THSD7B: variants seen among roughly 807,000 people sequenced by gnomAD.
The protein encoded by THSD7B is thrombospondin type-1 domain-containing protein 7B.
A neutral mutation model predicts 213.6 loss-of-function variants in THSD7B; 138 were observed. That is an observed-to-expected ratio of 0.65 (90% CI 0.56 to 0.74). The LOEUF (loss-of-function observed/expected upper bound fraction) is 0.74, where lower values mean the gene tolerates loss of function less well. Ranked by LOEUF, THSD7B falls within the 30% of genes least tolerant of loss-of-function variation. The probability of loss-of-function intolerance (pLI) is 0.00; values close to 1 mark genes in which losing one functional copy is unlikely to be tolerated. For missense variants in THSD7B, 1,931 were observed against 1,991.5 expected, an observed-to-expected ratio of 0.97 and a Z score of 0.58; for synonymous variants, 742 against 687.0, an observed-to-expected ratio of 1.08 and a Z score of -1.25.
At chr2:136,802,900 C>T (rs1682214623) in intron 1 of THSD7B, among the ~76,000 whole-genome samples, 1 of 151,600 alleles carries the variant, frequency 6.6e-6, no homozygotes, top group African/African-American at 2.4e-5. Context: ...ATTATCACCT[C>T]ATGATGGGTA....
intron 2 of THSD7B, among the ~76,000 whole-genome samples, chr2:136,914,944 A>G (rs1223215677): frequency 6.6e-6 from 1 of 152,226 alleles, no homozygotes; most frequent in Non-Finnish European, 1.5e-5. Flanking sequence ...ATTGAAAACA[A>G]TAAAGAGATA....
rs142602179 is a variant in THSD7B at position 137,126,474 on chromosome 2, C to T, written c.1369+11181C>T. Among the ~76,000 whole-genome samples the T allele has an allele frequency of 3.2e-3, 473 of 147,708 alleles. 2 individuals are homozygous for T. Among genetic ancestry groups the T allele is most frequent in the African/African-American group, 0.011 (433 of 39,984 alleles). On this transcript the variant is annotated intron_variant, in intron 5 of 27. Coordinates refer to ENST00000409968, the MANE Select transcript of THSD7B (RefSeq NM_001316349.2). The stretch of plus-strand genomic sequence containing the variant: ...CCCCCACCCCCCTGCCCCACAGCTT[C>T]CTCAGCTCTCTCAGCCTTCATAGAA...
intron 17 of THSD7B, among the ~76,000 whole-genome samples, chr2:137,588,332 C>T (rs551574065): frequency 3.0e-4 from 46 of 152,226 alleles, no homozygotes; most frequent in Admixed American, 9.2e-4. Flanking sequence ...GTGGGCTGCA[C>T]CCACCGTCCT....
rs56349408 is a variant in THSD7B at position 136,827,770 on chromosome 2, TGAGAGAGAGAGAGA to T, written c.-35-54363_-35-54350del. ...AGATATTTAGAGAGTTACACTGAAA[TGAGAGAGAGAGAGA>T]GAGAGAGAGATTGAGAGAGACACAG... is the stretch of plus-strand genomic sequence containing the variant. On this transcript the variant is annotated intron_variant, in intron 1 of 27. Coordinates refer to ENST00000409968, the MANE Select transcript of THSD7B (RefSeq NM_001316349.2). Among the ~76,000 whole-genome samples, 7 of 146,436 alleles carry T rather than the reference TGAGAGAGAGAGAGA, an allele frequency of 4.8e-5. No individual in the cohort carries two copies. The East Asian group carries it at 1.4e-3, about 29-fold the overall frequency.
chr2:137,186,867 T>C (rs1184567039), intron 7 of THSD7B, among the ~76,000 whole-genome samples: 1 of 152,198 alleles, frequency 6.6e-6, no homozygotes, highest in Non-Finnish European at 1.5e-5. Flanking sequence ...TTTGTTTCTG[T>C]CATATCTGAT....
chr2:136,765,598 C>A lies in THSD7B; in HGVS notation c.-125C>A. 6.6e-6 allele frequency: 1 copy of A among 150,496 alleles called. No individual in the cohort carries two copies. The highest frequency in any genetic ancestry group is 2.1e-4 in the South Asian group (1 of 4,736). 9.3% of individuals were successfully genotyped at this position (150,496 alleles called of 1,614,324 possible). On this transcript the variant is annotated 5_prime_UTR_variant, in exon 1 of 28. Transcript: ENST00000409968. ...GTTGCCAGACGCTGGAATGGGTGGT[C>A]TTCCGACACACACCACCATCTTTCT...
At chr2:137,475,283 C>T (rs1688170100) in intron 15 of THSD7B, among the ~76,000 whole-genome samples, 1 of 152,068 alleles carries the variant, frequency 6.6e-6, no homozygotes, top group Non-Finnish European at 1.5e-5. Flanking sequence ...ATAATCAAGG[C>T]GGTATTTAGG....
At chr2:137,170,637 C>A in intron 6 of THSD7B, 104 bp from the exon 7 acceptor site, 2 of 1,040,886 alleles carry the variant, frequency 1.9e-6, no homozygotes, top group Non-Finnish European at 2.8e-6. Flanking sequence ...GTGCTTAGAG[C>A]GATGAGTACT....
At chr2:137,377,124 G>A (rs998680477) in intron 12 of THSD7B, among the ~76,000 whole-genome samples, 79 of 151,972 alleles carry the variant, frequency 5.2e-4, no homozygotes, top group Admixed American at 1.2e-3. Flanking sequence ...CATTTTTTCC[G>A]TATGTGGTGG....
At chr2:136,921,267 A>C (rs1684433844) in intron 2 of THSD7B, among the ~76,000 whole-genome samples, 1 of 149,592 alleles carries the variant, frequency 6.7e-6, no homozygotes, top group African/African-American at 2.5e-5. Context: ...TATTCTGCTT[A>C]TATGTAAGCC....
At chr2:137,487,484 GA>G (rs1688486149) in intron 15 of THSD7B, among the ~76,000 whole-genome samples, 1 of 148,462 alleles carries the variant, frequency 6.7e-6, no homozygotes. Context: ...GAAGGAAATA[GA>G]GACACAAAAA....
chr2:137,319,498 C>G (rs1186863989), intron 12 of THSD7B, among the ~76,000 whole-genome samples: 1 of 152,200 alleles, frequency 6.6e-6, no homozygotes, highest in Non-Finnish European at 1.5e-5. Flanking sequence ...CTGTGTCACA[C>G]TATTTATGTT....
chr2:137,347,877 G>A (rs574391751), intron 12 of THSD7B, among the ~76,000 whole-genome samples: 7 of 151,196 alleles, frequency 4.6e-5, no homozygotes, highest in African/African-American at 1.7e-4. Flanking sequence ...CATCTCTAAA[G>A]CATTAAAATT....
intron 12 of THSD7B, among the ~76,000 whole-genome samples, chr2:137,395,090 A>T (rs371899733): frequency 8.1e-6 from 1 of 124,098 alleles, no homozygotes; most frequent in Non-Finnish European, 1.8e-5. Flanking sequence ...TCTAGATATA[A>T]AATCATGTCA....
rs750858427 is a variant in THSD7B at position 137,039,306 on chromosome 2, T to G, written c.140-17114T>G. Among the ~76,000 whole-genome samples, 12 of 152,200 alleles carry G rather than the reference T, an allele frequency of 7.9e-5. 1 individual carries two copies. Among genetic ancestry groups the G allele is most frequent in the Non-Finnish European group, 1.5e-4 (10 of 68,040 alleles). The stretch of plus-strand genomic sequence containing the variant: ...GTCACCCATTTCCAGGGATTTTTGA[T>G]AGGATTAAACGATATATTAATAGTC... On this transcript the variant is annotated intron_variant, in intron 2 of 27. Coordinates refer to ENST00000409968, the MANE Select transcript of THSD7B (RefSeq NM_001316349.2).
In THSD7B at chr2:137,161,670, G is replaced by A. The variant is rs77710685; in HGVS notation, c.1525+1302G>A. On this transcript the variant is annotated intron_variant, in intron 6 of 27. Transcript: ENST00000409968. ...AATCTGGATGTCAAAGAAGCCTGGA[G>A]AGGGCCTTGGGCAATTCTCTTATTT... is the stretch of plus-strand genomic sequence containing the variant. Among the ~76,000 whole-genome samples, 198 of 152,248 alleles carry A rather than the reference G, an allele frequency of 1.3e-3. 5 individuals carry two copies. The East Asian group carries it at 0.036, about 28-fold the overall frequency.
intron 15 of THSD7B, among the ~76,000 whole-genome samples, chr2:137,499,557 CTTGA>C: frequency 6.6e-6 from 1 of 152,188 alleles, no homozygotes; most frequent in African/African-American, 2.4e-5. Context: ...CTTTTGATCT[CTTGA>C]CATCTATGGC....
chr2:137,185,392 C>T (rs1680532276), intron 7 of THSD7B, among the ~76,000 whole-genome samples: 1 of 152,068 alleles, frequency 6.6e-6, no homozygotes, highest in Admixed American at 6.6e-5. Context: ...GTTTTTCATC[C>T]ATCCCTTGCC....
intron 17 of THSD7B, among the ~76,000 whole-genome samples, chr2:137,589,605 C>T (rs994704194): frequency 2.6e-5 from 4 of 152,136 alleles, no homozygotes; most frequent in African/African-American, 9.6e-5. Context: ...TTTTGTTTTT[C>T]ATGTTTCTAT....
Sources: gnomAD v4.1 joint callset for allele counts (sites outside exome capture counted in the v4.1 genomes callset) on GRCh38, gnomAD v4.1.1 for gene constraint, MANE v1.5 for transcripts, NCBI Gene and HGNC (gene_info 2026-07-23, HGNC 2026-07-21) for gene names.